STXBP5: variants seen among roughly 807,000 people sequenced by gnomAD.
STXBP5 encodes the protein syntaxin-binding protein 5.
Under a neutral mutation model 152.4 loss-of-function variants are expected in STXBP5, and 50 were observed. The ratio of observed to expected loss-of-function variants is 0.33; its 90% CI spans 0.26 to 0.42. The LOEUF (loss-of-function observed/expected upper bound fraction) is 0.42, where lower values mean the gene tolerates loss of function less well. STXBP5 is among the 10% of genes least tolerant of loss of function. The pLI, the probability that STXBP5 is intolerant of heterozygous loss-of-function variation, is 1.00. For missense variants in STXBP5, 1,167 were observed against 1,388.6 expected (o/e 0.84, Z 2.54); for synonymous variants, 492 against 494.7 (o/e 0.99, Z 0.07).
intron 18 of STXBP5, among the ~76,000 whole-genome samples, chr6:147,331,306 A>C (rs942138325): frequency 3.3e-5 from 5 of 152,218 alleles, no homozygotes; most frequent in African/African-American, 9.6e-5. Context: ...ATTTAAACCA[A>C]AGAATTGAGA....
chr6:147,278,139 A>G lies in STXBP5; in HGVS notation c.773A>G (p.Asp258Gly), dbSNP rs1199517261. 1 of 1,613,118 alleles carries G rather than the reference A, an allele frequency of 6.2e-7. No individual in the cohort carries two copies. Among genetic ancestry groups the G allele is most frequent in the Non-Finnish European group, 8.5e-7 (1 of 1,179,308 alleles). ...AAACAATTTATTTGCAGTCATTCAGATGGCACCTTGACTATATGGAATGTA... is the reference window on the plus strand; with the variant it reads ...AAACAATTTATTTGCAGTCATTCAGGTGGCACCTTGACTATATGGAATGTA... Reference protein sequence around the residue: ...EGKQFICSHSDGTLTIWNVRS... With the variant: ...EGKQFICSHSGGTLTIWNVRS... The change falls in exon 8 of 28, where the codon GAT becomes GGT. Residue 258 changes from aspartate (D) to glycine (G), a missense_variant. Around this residue, in one of 3 missense-constraint regions of STXBP5, gnomAD observed 310 missense variants for 346.1 expected, o/e 0.90. Transcript: ENST00000321680.
At chr6:147,374,147 C>T (rs980930362) in intron 26 of STXBP5, among the ~76,000 whole-genome samples, 1 of 152,140 alleles carries the variant, frequency 6.6e-6, no homozygotes, top group African/African-American at 2.4e-5. Context: ...TTTTCTTTAA[C>T]TGATAACCTT....
chr6:147,363,494 C>G lies in STXBP5; in HGVS notation c.2705C>G (p.Ser902Cys). 6.2e-7 allele frequency: 1 copy of G among 1,614,046 alleles called. No individual in the cohort carries two copies. Among genetic ancestry groups the G allele is most frequent in the South Asian group, 1.1e-5 (1 of 91,070 alleles). ...AAAAAACGGCGGCCTGTCTCAGTAT[C>G]CCCCTCCTCTTCTCAGGAAATTAGT... Reference protein sequence around the residue: ...KLKKRRPVSVSPSSSQEISEN... With the variant: ...KLKKRRPVSVCPSSSQEISEN... Residue 902 changes from serine to cysteine, a missense_variant, in exon 24 of 28, where the codon TCC becomes TGC. By Grantham distance (112) the Ser-to-Cys change is moderately radical. Coordinates refer to ENST00000321680, the MANE Select transcript of STXBP5 (RefSeq NM_001127715.4).
At chr6:147,251,772 C>A (rs888354720) in intron 4 of STXBP5, among the ~76,000 whole-genome samples, 2 of 152,214 alleles carry the variant, frequency 1.3e-5, no homozygotes, top group Admixed American at 6.5e-5. Context: ...AAGTGGATCC[C>A]TGACCCCCAT....
At position 147,357,493 on chromosome 6, in the gene STXBP5, A is replaced by T. The variant is rs545046549; in HGVS notation, c.2306-1591A>T. On this transcript the variant is annotated intron_variant, in intron 22 of 27. Coordinates refer to ENST00000321680, the MANE Select transcript of STXBP5 (RefSeq NM_001127715.4). ...TTGAGTAAGATTATAAGCATGATTA[A>T]AAAGGAGCTACTAAGGATTTTTTAG... Among the ~76,000 whole-genome samples, 3 of 152,250 alleles carry T rather than the reference A, an allele frequency of 2.0e-5. No individual in the cohort carries two copies. In the South Asian group the frequency reaches 6.2e-4, roughly 32 times the overall value.
chr6:147,314,163 T>C lies in STXBP5; in HGVS notation c.1294-101T>C, dbSNP rs1782519551. On this transcript the variant is annotated intron_variant, in intron 12 of 27. Transcript: ENST00000321680. ...AAAAATTATTTTTGCAAGCAAAATATGTTTTTCACTGGATTATTTACACAC... is the reference window on the plus strand; with the variant it reads ...AAAAATTATTTTTGCAAGCAAAATACGTTTTTCACTGGATTATTTACACAC... The C allele has an allele frequency of 3.6e-6, 5 of 1,408,314 alleles. No homozygotes were observed. The East Asian group carries it at 6.9e-5, about 19-fold the overall frequency. The allele number at this position is 1,408,314 out of a possible 1,614,324, so 87.2% of individuals were successfully genotyped here. A position where few individuals can be genotyped will look rare whatever the true frequency, so the allele number is the denominator to read the frequency against.
At chr6:147,265,382 A>G (rs926991051) in intron 6 of STXBP5, among the ~76,000 whole-genome samples, 6 of 152,080 alleles carry the variant, frequency 3.9e-5, no homozygotes, top group Non-Finnish European at 7.4e-5. Context: ...ACAGATATAG[A>G]CTAATCATTT....
intron 2 of STXBP5, among the ~76,000 whole-genome samples, chr6:147,234,114 G>A (rs1778153482): frequency 1.3e-5 from 2 of 151,584 alleles, no homozygotes; most frequent in Non-Finnish European, 1.5e-5. Context: ...GAACTTTGTG[G>A]CATGTATTAA....
chr6:147,224,399 C>T (rs553741042), intron 2 of STXBP5, among the ~76,000 whole-genome samples: 2 of 152,224 alleles, frequency 1.3e-5, no homozygotes, highest in South Asian at 4.1e-4. Flanking sequence ...TGAACTCCAG[C>T]CTGGGAGACA....
In STXBP5 at chr6:147,324,719, T is replaced by C. The variant is rs1251117322; in HGVS notation, c.1803-240T>C. 2.0e-5 allele frequency among the ~76,000 whole-genome samples: 3 copies of C among 151,954 alleles called. No homozygotes were observed. The East Asian group carries it at 5.8e-4, about 29-fold the overall frequency. ...CCCTCTTCTTCCTCCTCACCTCTTATTTTCTCCTTTTCCTTCACCCCTGCT... is the reference window on the plus strand; with the variant it reads ...CCCTCTTCTTCCTCCTCACCTCTTACTTTCTCCTTTTCCTTCACCCCTGCT... On this transcript the variant is annotated intron_variant, in intron 16 of 27. Transcript: ENST00000321680.
chr6:147,232,663 C>T (rs933178219), intron 2 of STXBP5, among the ~76,000 whole-genome samples: 2 of 151,656 alleles, frequency 1.3e-5, no homozygotes, highest in African/African-American at 2.4e-5. Flanking sequence ...TAATAACTAC[C>T]TTTCAGAATT....
rs1453024828 is a variant in STXBP5, at chr6:147,388,839, C to G, written c.*4084C>G. 1 of 150,448 alleles carries G rather than the reference C, an allele frequency of 6.6e-6. No homozygotes were observed. The highest frequency in any genetic ancestry group is 1.5e-5 in the Non-Finnish European group (1 of 67,334). The allele number at this position is 150,448 out of a possible 1,614,324, so 9.3% of individuals were successfully genotyped here. A position where few individuals can be genotyped will look rare whatever the true frequency, so the allele number is the denominator to read the frequency against. ...ATATATATATATTTAAAATAGTTTT[C>G]CAGGTATTTTCTTCTACCTTTTTTA... On this transcript the variant is annotated 3_prime_UTR_variant, in exon 28 of 28. Transcript: ENST00000321680.
Position 147,260,710 on chromosome 6 carries a change from T to A in STXBP5, c.527T>A (p.Leu176His). 1 of 1,613,698 alleles carries A rather than the reference T, an allele frequency of 6.2e-7. No homozygotes were observed. Among genetic ancestry groups the A allele is most frequent in the Non-Finnish European group, 8.5e-7 (1 of 1,179,696 alleles). ...ATTGTCAATGTGGAGTCCTTCACAC[T>A]CTCAGGCTACGTCATTATGTGGAAT... ...IHIVNVESFT[L>H]SGYVIMWNKA... The change falls in exon 5 of 28, where the codon CTC becomes CAC. Residue 176 changes from leucine to histidine, a missense_variant. This residue lies in a region of STXBP5 where 310 missense variants were observed against 346.1 expected (regional missense o/e 0.90). Coordinates refer to ENST00000321680, the MANE Select transcript of STXBP5 (RefSeq NM_001127715.4).
chr6:147,351,909 A>G (rs1784603374), intron 21 of STXBP5: 2 of 985,144 alleles, frequency 2.0e-6, no homozygotes, highest in South Asian at 9.4e-5. Context: ...TGTGCTTTAA[A>G]TATCTCCTAA....
chr6:147,228,129 C>CT (rs1265666487), intron 2 of STXBP5, among the ~76,000 whole-genome samples: 3 of 151,788 alleles, frequency 2.0e-5, no homozygotes, highest in African/African-American at 7.3e-5. Context: ...ATTAGATTCC[C>CT]TGTCATTGCC....
At chr6:147,242,822 TC>T (rs1030934128) in intron 4 of STXBP5, among the ~76,000 whole-genome samples, 2 of 152,172 alleles carry the variant, frequency 1.3e-5, no homozygotes, top group Non-Finnish European at 1.5e-5. Flanking sequence ...AACATAGCCA[TC>T]TGTAAGTGAC....
chr6:147,332,661 T>C (rs1032418122), intron 18 of STXBP5, among the ~76,000 whole-genome samples: 1 of 152,190 alleles, frequency 6.6e-6, no homozygotes, highest in African/African-American at 2.4e-5. Context: ...GGATACAGTA[T>C]ACTGTAGGAT....
chr6:147,314,230 G>T (rs770269721), intron 12 of STXBP5, 34 bp from the exon 13 acceptor site: 12 of 1,555,832 alleles, frequency 7.7e-6, no homozygotes, highest in Non-Finnish European at 1.1e-5. Context: ...TAGTATGCTT[G>T]CAAGTTGCTT....
chr6:147,359,134 A>G lies in STXBP5; in HGVS notation c.2356A>G (p.Ile786Val), dbSNP rs562086945. Residue 786 changes from isoleucine (I) to valine (V), a missense_variant, in exon 23 of 28, where the codon ATT (isoleucine) becomes GTT (valine). By Grantham distance (29) the Ile-to-Val change is conservative. Transcript: ENST00000321680. ...ATCACGGAGTTCAAGTGTAACAAGCATTGACAAAGAATCCCGAGAAGCGAT... is the reference window on the plus strand; with the variant it reads ...ATCACGGAGTTCAAGTGTAACAAGCGTTGACAAAGAATCCCGAGAAGCGAT... ...SRSRSSSVTSIDKESREAISA... is the reference protein window; with the variant it reads ...SRSRSSSVTSVDKESREAISA... 8 of 1,614,052 alleles carry G rather than the reference A, an allele frequency of 5.0e-6. No individual in the cohort carries two copies. In the East Asian group the frequency reaches 6.7e-5, roughly 13 times the overall value.
Sources: allele counts gnomAD v4.1 joint callset (sites outside exome capture counted in the v4.1 genomes callset), GRCh38; gene constraint gnomAD v4.1.1; regional missense constraint gnomAD v4.1.1; transcripts MANE v1.5; gene names NCBI Gene and HGNC (gene_info 2026-07-23, HGNC 2026-07-21).